The following CLSTN2 variants were observed in gnomAD, a reference collection of about 807,000 sequenced individuals.
The protein encoded by CLSTN2 is calsyntenin 2.
CLSTN2 carries 48 observed loss-of-function variants against 101.2 expected under a neutral mutation model. That is an observed-to-expected ratio of 0.47 (90% confidence interval 0.38 to 0.60). CLSTN2 has a LOEUF of 0.60. Among genes scored for constraint, CLSTN2 ranks in the 20% least tolerant of loss-of-function variants. CLSTN2 has a pLI of 0.00. For synonymous variants in CLSTN2, 481 were observed against 463.6 expected (o/e 1.04, Z -0.48); for missense variants, 1,160 against 1,238.2 (o/e 0.94, Z 0.95).
chr3:140,362,823 A>G (rs1440757720), intron 2 of CLSTN2, among the ~76,000 whole-genome samples: 1 of 152,178 alleles, frequency 6.6e-6, no homozygotes, highest in Non-Finnish European at 1.5e-5. Context: ...AGAAGACGAT[A>G]ACAAGTATTA....
At chr3:140,513,583 C>CTTTTTTTTTTTTTTTTTTT (rs55778787) in intron 8 of CLSTN2, among the ~76,000 whole-genome samples, 18 of 117,742 alleles carry the variant, frequency 1.5e-4, no homozygotes, top group Admixed American at 2.8e-4. Context: ...TTTTTTCTTT[C>CTTTTTTTTTTTTTTTTTTT]TTTTTTTTTT....
At chr3:140,026,886 G>A (rs1014062420) in intron 1 of CLSTN2, among the ~76,000 whole-genome samples, 1 of 152,228 alleles carries the variant, frequency 6.6e-6, no homozygotes, top group Non-Finnish European at 1.5e-5. Context: ...CTCTTGGCTG[G>A]ATCGCAGGTC....
chr3:140,275,881 T>A (rs1262415469), intron 2 of CLSTN2, among the ~76,000 whole-genome samples: 2 of 152,160 alleles, frequency 1.3e-5, no homozygotes, highest in Non-Finnish European at 2.9e-5. Context: ...GAGGGCTTCC[T>A]GAATGTTACA....
At chr3:140,221,604 A>T (rs143666022) in intron 2 of CLSTN2, among the ~76,000 whole-genome samples, 63 of 152,346 alleles carry the variant, frequency 4.1e-4, no homozygotes, top group African/African-American at 1.5e-3. Flanking sequence ...ATTAATAACC[A>T]GAATATATAA....
chr3:140,294,505 TTCTGCTTCC>T (rs201338481), intron 2 of CLSTN2, among the ~76,000 whole-genome samples: 6,072 of 152,024 alleles, frequency 0.04, 191 homozygotes, highest in Non-Finnish European at 0.061. Context: ...TCCTAAAGGC[TTCTGCTTCC>T]TCTGCTTCCA....
At chr3:140,262,788 C>T (rs185607128) in intron 2 of CLSTN2, among the ~76,000 whole-genome samples, 38 of 152,022 alleles carry the variant, frequency 2.5e-4, no homozygotes, top group East Asian at 1.2e-3. Flanking sequence ...ACAAAGAGCC[C>T]AGGATGTAGG....
chr3:140,007,030 T>C (rs560997829), intron 1 of CLSTN2, among the ~76,000 whole-genome samples: 1 of 152,264 alleles, frequency 6.6e-6, no homozygotes, highest in South Asian at 2.1e-4. Flanking sequence ...GATTTTTCCT[T>C]TTGCCTCAGG....
At chr3:140,322,064 G>A (rs763013207) in intron 2 of CLSTN2, among the ~76,000 whole-genome samples, 1 of 152,196 alleles carries the variant, frequency 6.6e-6, no homozygotes, top group Non-Finnish European at 1.5e-5. Context: ...AGGTAGCCCT[G>A]GGACAGGCAC....
At chr3:140,275,369 C>G (rs780975600) in intron 2 of CLSTN2, among the ~76,000 whole-genome samples, 3 of 151,820 alleles carry the variant, frequency 2.0e-5, no homozygotes, top group Non-Finnish European at 4.4e-5. Flanking sequence ...AACTCCTGGG[C>G]TGAAGTGATC....
chr3:140,229,650 G>A (rs142393366), intron 2 of CLSTN2, among the ~76,000 whole-genome samples: 2 of 152,072 alleles, frequency 1.3e-5, no homozygotes, highest in East Asian at 2.0e-4. Context: ...GTGAGTGAAG[G>A]AGGAAGGGGA....
intron 8 of CLSTN2, among the ~76,000 whole-genome samples, chr3:140,509,394 G>T (rs960914455): frequency 1.3e-5 from 2 of 152,158 alleles, no homozygotes; most frequent in African/African-American, 2.4e-5. Flanking sequence ...TGGGTCTGAG[G>T]TGAGGCTGGA....
At chr3:140,475,177 T>C (rs1358313235) in intron 8 of CLSTN2, among the ~76,000 whole-genome samples, 1 of 152,136 alleles carries the variant, frequency 6.6e-6, no homozygotes, top group Non-Finnish European at 1.5e-5. Flanking sequence ...ACGTCTGCTG[T>C]GTTGCAGAGG....
At chr3:140,009,226 C>T (rs1048364228) in intron 1 of CLSTN2, among the ~76,000 whole-genome samples, 3 of 152,120 alleles carry the variant, frequency 2.0e-5, no homozygotes, top group Admixed American at 6.5e-5. Flanking sequence ...TCTGTTCTTT[C>T]CTGAAGCCCC....
chr3:140,166,308 A>G (rs539503837), intron 1 of CLSTN2, among the ~76,000 whole-genome samples: 3 of 152,352 alleles, frequency 2.0e-5, no homozygotes, highest in South Asian at 4.1e-4. Flanking sequence ...CAGTTCTACT[A>G]GGAGATCAGA....
At chr3:139,977,892 G>T (rs1261144978) in intron 1 of CLSTN2, among the ~76,000 whole-genome samples, 1 of 152,150 alleles carries the variant, frequency 6.6e-6, no homozygotes, top group Non-Finnish European at 1.5e-5. Context: ...ATTTTTCCAT[G>T]GTCTCTGCTC....
intron 2 of CLSTN2, among the ~76,000 whole-genome samples, chr3:140,287,417 T>C: frequency 6.6e-6 from 1 of 151,980 alleles, no homozygotes; most frequent in South Asian, 2.1e-4. Context: ...GAGGAAGCTT[T>C]TGGGGGAAAG....
chr3:140,174,598 G>T (rs918250100), intron 1 of CLSTN2, among the ~76,000 whole-genome samples: 2 of 152,142 alleles, frequency 1.3e-5, no homozygotes, highest in African/African-American at 4.8e-5. Context: ...AAAAGAAAGA[G>T]GTTTAATTGG....
intron 2 of CLSTN2, among the ~76,000 whole-genome samples, chr3:140,328,034 A>T (rs1315324014): frequency 2.6e-5 from 4 of 152,124 alleles, no homozygotes; most frequent in African/African-American, 9.7e-5. Context: ...TCACAAGAAG[A>T]TGGTTTGTTA....
chr3:139,996,769 C>T (rs565468967), intron 1 of CLSTN2, among the ~76,000 whole-genome samples: 160 of 152,048 alleles, frequency 1.1e-3, no homozygotes, highest in African/African-American at 3.8e-3. Context: ...TGACTGTGGC[C>T]GGGTGTGGCG....
Sources: allele counts gnomAD v4.1 joint callset (sites outside exome capture counted in the v4.1 genomes callset), GRCh38; gene constraint gnomAD v4.1.1; transcripts MANE v1.5; gene names NCBI Gene and HGNC (gene_info 2026-07-23, HGNC 2026-07-21).